The following TMEM26 variants were observed in gnomAD, a reference collection of about 807,000 sequenced individuals.
TMEM26 encodes the protein transmembrane protein 26.
TMEM26 carries 38 observed loss-of-function variants against 28.8 expected under a neutral mutation model. The ratio of observed to expected loss-of-function variants is 1.32; its 90% CI spans 1.02 to 1.73. The LOEUF is 1.73. Among genes scored for constraint, TMEM26 ranks in the 40% most tolerant of loss-of-function variants. The pLI is 0.00. For synonymous variants in TMEM26, 227 were observed against 182.9 expected, an observed-to-expected ratio of 1.24 and a Z score of -1.95; for missense variants, 518 against 447.1, an observed-to-expected ratio of 1.16 and a Z score of -1.43.
Position 61,408,735 on chromosome 10 carries a change from T to C in TMEM26, c.*1587A>G, listed in dbSNP as rs1197322205. On this transcript the variant is annotated 3_prime_UTR_variant, in exon 6 of 6. Transcript: ENST00000399298. ...GAAAATCATAAATGTATTCCATTAG[T>C]TCCATGTGTCATTTTATAGTCATTA... 3 of 152,200 alleles carry C rather than the reference T, an allele frequency of 2.0e-5. No homozygotes were observed. Among genetic ancestry groups the C allele is most frequent in the Non-Finnish European group, 2.9e-5 (2 of 68,042 alleles). 9.4% of individuals were successfully genotyped at this position (152,200 alleles called of 1,614,324 possible). A position where few individuals can be genotyped will look rare whatever the true frequency, so the allele number is the denominator to read the frequency against.
intron 4 of TMEM26, among the ~76,000 whole-genome samples, chr10:61,415,558 T>C (rs1385560590): frequency 6.6e-6 from 1 of 152,064 alleles, no homozygotes; most frequent in Admixed American, 6.6e-5. Context: ...TTGTTATCTC[T>C]ATTTTATCAA....
At chr10:61,439,257 T>A (rs185253009) in intron 1 of TMEM26, among the ~76,000 whole-genome samples, 44 of 152,340 alleles carry the variant, frequency 2.9e-4, no homozygotes, top group Non-Finnish European at 4.7e-4. Flanking sequence ...TATAGTTATG[T>A]GTGTATAAGA....
intron 1 of TMEM26, among the ~76,000 whole-genome samples, chr10:61,446,817 CAAAAAAAAAAAAAA>C (rs34030340): frequency 8.2e-4 from 28 of 33,948 alleles, no homozygotes; most frequent in South Asian, 6.8e-3. Context: ...GACTCCATCT[CAAAAAAAAAAAAAA>C]AAAAAAAAAA....
chr10:61,426,589 C>T (rs1564476463), intron 4 of TMEM26, among the ~76,000 whole-genome samples: 1 of 152,052 alleles, frequency 6.6e-6, no homozygotes, highest in Non-Finnish European at 1.5e-5. Context: ...GAGATTTAGA[C>T]ATTTTTGTGA....
intron 2 of TMEM26, among the ~76,000 whole-genome samples, chr10:61,434,703 G>A (rs1346429868): frequency 6.6e-6 from 1 of 152,140 alleles, no homozygotes; most frequent in African/African-American, 2.4e-5. Context: ...GGAGAAAAAT[G>A]TTTTATTCAT....
intron 4 of TMEM26, among the ~76,000 whole-genome samples, chr10:61,419,982 C>G (rs1839716700): frequency 1.3e-5 from 2 of 152,140 alleles, no homozygotes; most frequent in East Asian, 3.9e-4. Flanking sequence ...GACCTTCCAG[C>G]AAAGTGGGGG....
intron 4 of TMEM26, among the ~76,000 whole-genome samples, chr10:61,419,331 T>A (rs1839705128): frequency 6.6e-6 from 1 of 152,130 alleles, no homozygotes; most frequent in Admixed American, 6.6e-5. Flanking sequence ...CTGTCTCTAC[T>A]GAGGTCCAGA....
chr10:61,420,738 C>T (rs1839732226), intron 4 of TMEM26, among the ~76,000 whole-genome samples: 1 of 145,216 alleles, frequency 6.9e-6, no homozygotes. Flanking sequence ...AAAAAAAAAA[C>T]TTGGAGTATT....
chr10:61,429,603 TG>T (rs1839889324), intron 3 of TMEM26, among the ~76,000 whole-genome samples: 1 of 152,088 alleles, frequency 6.6e-6, no homozygotes, highest in African/African-American at 2.4e-5. Context: ...ATCTTCTCTT[TG>T]TTTTTTTGCT....
At chr10:61,415,612 T>A (rs1183028701) in intron 4 of TMEM26, among the ~76,000 whole-genome samples, 2 of 152,064 alleles carry the variant, frequency 1.3e-5, no homozygotes, top group African/African-American at 4.8e-5. Flanking sequence ...AATAATGTAG[T>A]TATGAGTGTT....
In TMEM26 at chr10:61,410,066, A is replaced by T; in HGVS notation, c.*256T>A. On this transcript the variant is annotated 3_prime_UTR_variant, in exon 6 of 6. Coordinates refer to ENST00000399298, the MANE Select transcript of TMEM26 (RefSeq NM_178505.8). Reference sequence around the variant, plus strand: ...TCTTCCATAGCTTTTCAAACAGTTCAAGACAAACAAATCACTTAGTCGTTG... The same window carrying T: ...TCTTCCATAGCTTTTCAAACAGTTCTAGACAAACAAATCACTTAGTCGTTG... The T allele has an allele frequency of 2.0e-6, 1 of 511,962 alleles. No individual in the cohort carries two copies. Among genetic ancestry groups the T allele is most frequent in the Non-Finnish European group, 3.5e-6 (1 of 287,174 alleles). The allele number at this position is 511,962 out of a possible 1,614,324, so 31.7% of individuals were successfully genotyped here. A position where few individuals can be genotyped will look rare whatever the true frequency, so the allele number is the denominator to read the frequency against.
At chr10:61,451,104 G>A (rs935837333) in intron 1 of TMEM26, among the ~76,000 whole-genome samples, 28 of 152,192 alleles carry the variant, frequency 1.8e-4, no homozygotes, top group African/African-American at 4.8e-4. Context: ...TTTGAGGTGC[G>A]TACTCTAAAC....
intron 4 of TMEM26, among the ~76,000 whole-genome samples, chr10:61,428,361 A>G (rs1261308125): frequency 6.6e-6 from 1 of 152,148 alleles, no homozygotes; most frequent in East Asian, 1.9e-4. Context: ...CCTCTACACC[A>G]GAAAGCCTGT....
chr10:61,428,815 T>A, intron 4 of TMEM26, 111 bp downstream of exon 4: 5 of 909,424 alleles, frequency 5.5e-6, no homozygotes, highest in Non-Finnish European at 8.4e-6. Flanking sequence ...ACGTTGCATA[T>A]AAAATATACT....
chr10:61,423,998 A>T (rs1839791041), intron 4 of TMEM26, among the ~76,000 whole-genome samples: 1 of 152,212 alleles, frequency 6.6e-6, no homozygotes, highest in South Asian at 2.1e-4. Flanking sequence ...AAGTAACATC[A>T]TCTTTAATAC....
At chr10:61,436,352 C>A in intron 1 of TMEM26, 104 bp from the exon 2 acceptor site, 1 of 622,910 alleles carries the variant, frequency 1.6e-6, no homozygotes, top group Non-Finnish European at 2.7e-6. Flanking sequence ...ACTCCGACCA[C>A]ATTGAGTCAA....
rs1839517147 is a variant in TMEM26, at chr10:61,408,005, A to T, written c.*2317T>A. ...AACAAATTTGTAATATTTAATCAGG[A>T]GTCTTAGGAATGGCTAATATATAAC... On this transcript the variant is annotated 3_prime_UTR_variant, in exon 6 of 6. Transcript: ENST00000399298. 1.3e-5 allele frequency: 2 copies of T among 152,348 alleles called. No homozygotes were observed. The highest frequency in any genetic ancestry group is 1.3e-4 in the Admixed American group (2 of 15,296). 9.4% of individuals were successfully genotyped at this position (152,348 alleles called of 1,614,324 possible).
intron 1 of TMEM26, among the ~76,000 whole-genome samples, chr10:61,445,667 C>T (rs1037252749): frequency 2.0e-5 from 3 of 149,888 alleles, no homozygotes; most frequent in South Asian, 2.1e-4. Flanking sequence ...CATAAAGTGC[C>T]TACATTAAAT....
rs1002876484 is a variant in TMEM26, at chr10:61,419,519, G to T, written c.606-5984C>A. Among the ~76,000 whole-genome samples the T allele has an allele frequency of 9.4e-5, 14 of 149,266 alleles. 1 individual carries two copies. The highest frequency in any genetic ancestry group is 1.8e-4 in the Non-Finnish European group (12 of 67,934). On this transcript the variant is annotated intron_variant, in intron 4 of 5. Coordinates refer to ENST00000399298, the MANE Select transcript of TMEM26 (RefSeq NM_178505.8). ...ATAGAAACTCTAGAATTGAAAATAT[G>T]CAAACTGAAGTGAAAAATTCAATAG...
Sources: gnomAD v4.1 joint callset for allele counts (sites outside exome capture counted in the v4.1 genomes callset) on GRCh38, gnomAD v4.1.1 for gene constraint, MANE v1.5 for transcripts, NCBI Gene and HGNC (gene_info 2026-07-23, HGNC 2026-07-21) for gene names.